AADACL3: variants seen among roughly 807,000 people sequenced by gnomAD.
The protein encoded by AADACL3 is arylacetamide deacetylase like 3, also known as arylacetamide deacetylase-like 3.
In AADACL3, 13 loss-of-function variants were observed where a neutral mutation model predicts 13.6. The ratio of observed to expected loss-of-function variants is 0.95; its 90% confidence interval spans 0.62 to 1.52. The LOEUF (loss-of-function observed/expected upper bound fraction) is 1.52, where lower values mean the gene tolerates loss of function less well. Among genes scored for constraint, AADACL3 ranks in the 40% most tolerant of loss-of-function variants. The probability of loss-of-function intolerance (pLI) is 0.00; values close to 1 mark genes in which losing one functional copy is unlikely to be tolerated. For synonymous variants in AADACL3, 195 were observed against 197.0 expected (o/e 0.99, Z 0.08); for missense variants, 519 against 499.2 (o/e 1.04, Z -0.38).
chr1:12,725,950 C>A lies in AADACL3; in HGVS notation c.1178C>A (p.Ser393Tyr). The change falls in exon 4 of 4, where the codon TCC becomes TAC. Residue 393 changes from serine to tyrosine, a missense_variant. Physicochemically the swap from Ser to Tyr is moderately radical, Grantham distance 144 (BLOSUM62 -2). Transcript: ENST00000359318. ...IDMSFLHFPC[S>Y]MRILSALVQF... ...ATGAGCTTCTTGCACTTTCCCTGCT[C>A]CATGAGAATTCTGAGTGCATTAGTT... The A allele has an allele frequency of 1.2e-6, 2 of 1,614,000 alleles. No individual in the cohort carries two copies. The highest frequency in any genetic ancestry group is 1.7e-6 in the Non-Finnish European group (2 of 1,179,950).
At chr1:12,721,968 G>A (rs1415271013) in intron 3 of AADACL3, among the ~76,000 whole-genome samples, 1 of 152,174 alleles carries the variant, frequency 6.6e-6, no homozygotes, top group Non-Finnish European at 1.5e-5. Context: ...AGAAATATCA[G>A]TTCTCTGCAT....
rs115702857 is a variant in AADACL3, at chr1:12,719,400, A to T, written c.169-75A>T. ...ACTCCTTTTGCCACCTGTGGAGGGC[A>T]GGTTGTGAAGGCCAGACTCCAGATG... On this transcript the variant is annotated intron_variant, in intron 1 of 3. Coordinates refer to ENST00000359318, the MANE Select transcript of AADACL3 (RefSeq NM_001103170.3). 1.3e-3 allele frequency: 1,748 copies of T among 1,394,148 alleles called. 17 individuals are homozygous for T. In the African/African-American group the frequency reaches 0.021, roughly 17 times the overall value. 86.4% of individuals were successfully genotyped at this position (1,394,148 alleles called of 1,614,324 possible).
At chr1:12,724,272 C>T (rs1215639298) in intron 3 of AADACL3, among the ~76,000 whole-genome samples, 1 of 152,094 alleles carries the variant, frequency 6.6e-6, no homozygotes, top group East Asian at 1.9e-4. Flanking sequence ...ACCACATTCA[C>T]TTGGACCGGG....
intron 2 of AADACL3, 116 bp downstream of exon 2, chr1:12,719,807 G>A: frequency 1.8e-6 from 2 of 1,097,250 alleles, no homozygotes; most frequent in Non-Finnish European, 2.6e-6. Flanking sequence ...GAACACCAGG[G>A]CAGTTCATGG....
chr1:12,716,788 T>C (rs1204984525), intron 1 of AADACL3, among the ~76,000 whole-genome samples: 1 of 152,204 alleles, frequency 6.6e-6, no homozygotes, highest in Non-Finnish European at 1.5e-5. Flanking sequence ...TCTCAGAAGT[T>C]GTGAAGATAT....
Position 12,719,520 on chromosome 1 carries a change from TTC to T in AADACL3, c.216_217del (p.Phe72LeufsTer12), listed in dbSNP as rs751789343. On this transcript the variant is annotated frameshift_variant, in exon 2 of 4. Coordinates refer to ENST00000359318, the MANE Select transcript of AADACL3 (RefSeq NM_001103170.3). LOFTEE classifies it high-confidence loss of function. ...KLRICSMPQF[F>X]CFMQDLPPLK... ...CAGAATCTGTTCTATGCCCCAATTT[TTC>T]TGTTTCATGCAAGATCTGCCTCCGC... The T allele has an allele frequency of 9.3e-6, 15 of 1,614,016 alleles. No homozygotes were observed. Among genetic ancestry groups the T allele is most frequent in the Middle Eastern group, 1.6e-4 (1 of 6,084 alleles).
chr1:12,717,241 G>A (rs541936512), intron 1 of AADACL3, among the ~76,000 whole-genome samples: 32 of 152,198 alleles, frequency 2.1e-4, no homozygotes, highest in African/African-American at 7.5e-4. Context: ...AGAAGATCCC[G>A]GGAACTCTAG....
chr1:12,722,499 C>T (rs1229631003), intron 3 of AADACL3, among the ~76,000 whole-genome samples: 1 of 151,980 alleles, frequency 6.6e-6, no homozygotes, highest in Non-Finnish European at 1.5e-5. Flanking sequence ...AAGAGATCGT[C>T]AGTAGAACAT....
At chr1:12,719,744 A>G in intron 2 of AADACL3, 53 bp downstream of exon 2, 1 of 1,524,374 alleles carries the variant, frequency 6.6e-7, no homozygotes, top group Non-Finnish European at 9.1e-7. Flanking sequence ...CCTTAACATA[A>G]CTTGGAAGAA....
At chr1:12,716,605 T>G (rs1338700679) in intron 1 of AADACL3, among the ~76,000 whole-genome samples, 1 of 152,206 alleles carries the variant, frequency 6.6e-6, no homozygotes. Context: ...AAAAAACCAG[T>G]CTGGTTCTAT....
chr1:12,725,627 G>A lies in AADACL3; in HGVS notation c.855G>A (p.Leu285=), dbSNP rs1379636614. Reference sequence around the variant, plus strand: ...TCTGGGAAAAGTACAGAAAGTGGTTGGGCCCAGAAAACATCCCTGAGAGGT... The same window carrying A: ...TCTGGGAAAAGTACAGAAAGTGGTTAGGCCCAGAAAACATCCCTGAGAGGT... ...AEVWEKYRKW[L]GPENIPERFK... is the part of the protein sequence containing the mutation. Residue 285 remains leucine (L), a synonymous_variant, in exon 4 of 4, where the codon TTG becomes TTA. Transcript: ENST00000359318. 6.2e-7 allele frequency: 1 copy of A among 1,613,920 alleles called. No homozygotes were observed. Among genetic ancestry groups the A allele is most frequent in the Non-Finnish European group, 8.5e-7 (1 of 1,179,992 alleles).
intron 2 of AADACL3, 62 bp from the exon 3 acceptor site, chr1:12,720,821 C>A (rs1466731519): frequency 6.9e-7 from 1 of 1,446,492 alleles, no homozygotes; most frequent in Non-Finnish European, 9.6e-7. Context: ...AGGAAGAAGA[C>A]GGTGACAATG....
rs939775608 is a variant in AADACL3 at position 12,726,181 on chromosome 1, T to G, written c.*185T>G. ...TGCTCCTGATGTCCAGAGGACGTGG[T>G]AGAAAAGACAGGTTTGGAGGTGGGA... On this transcript the variant is annotated 3_prime_UTR_variant, in exon 4 of 4. Transcript: ENST00000359318. 1 of 652,766 alleles carries G rather than the reference T, an allele frequency of 1.5e-6. No homozygotes were observed. Among genetic ancestry groups the G allele is most frequent in the African/African-American group, 1.8e-5 (1 of 54,822 alleles). 40.4% of individuals were successfully genotyped at this position (652,766 alleles called of 1,614,324 possible).
chr1:12,726,091 G>T lies in AADACL3; in HGVS notation c.*95G>T. ...TTGCTGATTTAGGTGGTGCATAGTG[G>T]GGCTAGGGAGGGGGTAGAGGTTGCT... On this transcript the variant is annotated 3_prime_UTR_variant, in exon 4 of 4. Coordinates refer to ENST00000359318, the MANE Select transcript of AADACL3 (RefSeq NM_001103170.3). 7.2e-7 allele frequency: 1 copy of T among 1,387,062 alleles called. No individual in the cohort carries two copies. The highest frequency in any genetic ancestry group is 2.3e-5 in the Admixed American group (1 of 42,590). The allele number at this position is 1,387,062 out of a possible 1,614,324, so 85.9% of individuals were successfully genotyped here.
intron 1 of AADACL3, among the ~76,000 whole-genome samples, chr1:12,716,773 A>C (rs1463882632): frequency 6.6e-6 from 1 of 152,184 alleles, no homozygotes; most frequent in African/African-American, 2.4e-5. Flanking sequence ...CACAGCACTC[A>C]CCACTCTCAG....
chr1:12,716,363 G>A lies in AADACL3; in HGVS notation c.168+19G>A. 2 of 1,614,124 alleles carry A rather than the reference G, an allele frequency of 1.2e-6. No individual in the cohort carries two copies. The highest frequency in any genetic ancestry group is 8.5e-7 in the Non-Finnish European group (1 of 1,179,980). On this transcript the variant is annotated intron_variant, in intron 1 of 3. Coordinates refer to ENST00000359318, the MANE Select transcript of AADACL3 (RefSeq NM_001103170.3). ...GACTTGGGTGAGTTTTGTGCTTTATGTGTCCCCTCCAGCTGACCATTAAGG... is the reference window on the plus strand; with the variant it reads ...GACTTGGGTGAGTTTTGTGCTTTATATGTCCCCTCCAGCTGACCATTAAGG...
Position 12,720,793 on chromosome 1 carries a change from C to T in AADACL3, c.386-90C>T, listed in dbSNP as rs1638237035. On this transcript the variant is annotated intron_variant, in intron 2 of 3. Transcript: ENST00000359318. ...TAGAGGAAAACCTAGTCGGCATCGG[C>T]CCAAGTGCTGTGTCTGTAGGAAGAA... The T allele has an allele frequency of 3.0e-5, 35 of 1,154,600 alleles. 1 individual carries two copies. In the South Asian group the frequency reaches 4.0e-4, roughly 13 times the overall value. The allele number at this position is 1,154,600 out of a possible 1,614,324, so 71.5% of individuals were successfully genotyped here. A position where few individuals can be genotyped will look rare whatever the true frequency, so the allele number is the denominator to read the frequency against.
chr1:12,724,300 A>G (rs1281495961), intron 3 of AADACL3, among the ~76,000 whole-genome samples: 1 of 152,130 alleles, frequency 6.6e-6, no homozygotes, highest in African/African-American at 2.4e-5. Context: ...AGACATGCTC[A>G]TGAATGTAAC....
Position 12,725,838 on chromosome 1 carries a change from T to G in AADACL3, c.1066T>G (p.Tyr356Asp). ...YDALRDNSLL[Y>D]KKRLEDLGVP... ...TGCTCTCCGGGACAATTCACTGTTG[T>G]ACAAGAAAAGGCTGGAAGACCTGGG... Residue 356 changes from tyrosine (Y) to aspartate (D), a missense_variant, in exon 4 of 4, where the codon TAC (tyrosine) becomes GAC (aspartate). Physicochemically the swap from Tyr to Asp is radical, Grantham distance 160. Coordinates refer to ENST00000359318, the MANE Select transcript of AADACL3 (RefSeq NM_001103170.3). 1 of 1,614,196 alleles carries G rather than the reference T, an allele frequency of 6.2e-7. No individual in the cohort carries two copies. The highest frequency in any genetic ancestry group is 8.5e-7 in the Non-Finnish European group (1 of 1,180,026).
Sources: allele counts gnomAD v4.1 joint callset (sites outside exome capture counted in the v4.1 genomes callset), GRCh38; gene constraint gnomAD v4.1.1; transcripts MANE v1.5; gene names NCBI Gene and HGNC (gene_info 2026-07-23, HGNC 2026-07-21).